ROBO3: variants seen among roughly 807,000 people sequenced by gnomAD.
ROBO3 encodes the protein roundabout homolog 3.
Under a neutral mutation model 160.5 loss-of-function variants are expected in ROBO3, and 97 were observed. The observed-to-expected ratio is 0.60, with a 90% CI of 0.51 to 0.72. ROBO3 has a LOEUF of 0.72. Ranked by LOEUF, ROBO3 falls within the 30% of genes least tolerant of loss-of-function variation. ROBO3 has a pLI of 0.00. For missense variants in ROBO3, 1,858 were observed against 1,846.5 expected (o/e 1.01, Z -0.11); for synonymous variants, 780 against 746.2 (o/e 1.05, Z -0.74).
At chr11:124,880,749 G>GCCCACCCACC in intron 27 of ROBO3, 141 bp downstream of exon 27, 1 of 997,546 alleles carries the variant, frequency 1.0e-6, no homozygotes, top group Non-Finnish European at 1.4e-6. Flanking sequence ...GGGGAGGGAG[G>GCCCACCCACC]AATCCTGTAG....
chr11:124,874,092 C>A lies in ROBO3; in HGVS notation c.1807C>A (p.Arg603Ser). The change falls in exon 12 of 28, where the codon CGT (arginine) becomes AGT (serine). Residue 603 changes from arginine to serine, a missense_variant. Coordinates refer to ENST00000397801, the MANE Select transcript of ROBO3 (RefSeq NM_022370.4). Reference sequence around the variant, plus strand: ...TAGCCCAGCAGCTGGCAACACATGGCGTACTGTGGCAGATGGCGTGCAGCT... The same window carrying A: ...TAGCCCAGCAGCTGGCAACACATGGAGTACTGTGGCAGATGGCGTGCAGCT... ...AFSPAAGNTW[R>S]TVADGVQLET... The A allele has an allele frequency of 6.2e-7, 1 of 1,613,926 alleles. No homozygotes were observed. Among genetic ancestry groups the A allele is most frequent in the African/African-American group, 1.3e-5 (1 of 75,024 alleles).
chr11:124,877,603 A>C lies in ROBO3; in HGVS notation c.2931A>C (p.Glu977Asp). The C allele has an allele frequency of 6.2e-7, 1 of 1,609,276 alleles. No homozygotes were observed. Among genetic ancestry groups the C allele is most frequent in the Non-Finnish European group, 8.5e-7 (1 of 1,178,020 alleles). ...CATCTCGAAGCCCCTCGGCCCAGGA[A>C]CCCAGGGGAAGCTGCTGCCCTAGCA... ...PHPSRSPSAQ[E>D]PRGSCCPSNP... The change falls in exon 20 of 28, where the codon GAA (glutamate) becomes GAC (aspartate). Residue 977 changes from glutamate (E) to aspartate (D), a missense_variant. Coordinates refer to ENST00000397801, the MANE Select transcript of ROBO3 (RefSeq NM_022370.4).
In ROBO3 at chr11:124,873,446, C is replaced by G; in HGVS notation, c.1618+55C>G. The G allele has an allele frequency of 2.1e-6, 3 of 1,436,132 alleles. No homozygotes were observed. Among genetic ancestry groups the G allele is most frequent in the South Asian group, 1.2e-5 (1 of 82,780 alleles). The allele number at this position is 1,436,132 out of a possible 1,614,324, so 89.0% of individuals were successfully genotyped here. ...ATAATACCTTCCTCCAAACCTGCTT[C>G]AACAGGTAGTCGATACCTCCTCAAA... On this transcript the variant is annotated intron_variant, in intron 10 of 27. Transcript: ENST00000397801. This position sits in a 1 kb window ranked among gnomAD's most constrained non-coding sequence, Gnocchi z 4.5.
Position 124,865,778 on chromosome 11 carries a change from G to T in ROBO3, c.160+41G>T. ...TTGGGGATATGGGATCCTGGGATGG[G>T]GATGAGGTGAGAGGGCGGCGTGGAA... is the stretch of plus-strand genomic sequence containing the variant. On this transcript the variant is annotated intron_variant, in intron 1 of 27. Coordinates refer to ENST00000397801, the MANE Select transcript of ROBO3 (RefSeq NM_022370.4). The surrounding 1 kb of genome is among the most constrained non-coding windows in gnomAD (Gnocchi z 5.5). 1 of 1,562,470 alleles carries T rather than the reference G, an allele frequency of 6.4e-7. No homozygotes were observed. The highest frequency in any genetic ancestry group is 8.7e-7 in the Non-Finnish European group (1 of 1,154,308).
chr11:124,870,915 T>C, intron 6 of ROBO3, 99 bp from the exon 7 acceptor site: 2 of 1,540,926 alleles, frequency 1.3e-6, no homozygotes, highest in Non-Finnish European at 1.8e-6. Context: ...TCTGCTCCTG[T>C]ACACTTGAGC....
Position 124,878,851 on chromosome 11 carries a change from A to C in ROBO3, c.3533+55A>C. 7.1e-7 allele frequency: 1 copy of C among 1,409,532 alleles called. No homozygotes were observed. The highest frequency in any genetic ancestry group is 9.9e-7 in the Non-Finnish European group (1 of 1,013,138). The allele number at this position is 1,409,532 out of a possible 1,614,324, so 87.3% of individuals were successfully genotyped here. ...GCAAGCCCTCTATACGTATCTACTC[A>C]GTAGATGACTGGGTGGGTGGATGGA... On this transcript the variant is annotated intron_variant, in intron 23 of 27. Coordinates refer to ENST00000397801, the MANE Select transcript of ROBO3 (RefSeq NM_022370.4). This position sits in a 1 kb window ranked among gnomAD's most constrained non-coding sequence, Gnocchi z 4.3.
In ROBO3 at chr11:124,877,996, G is replaced by C; in HGVS notation, c.3046G>C (p.Gly1016Arg). 1 of 1,611,962 alleles carries C rather than the reference G, an allele frequency of 6.2e-7. No homozygotes were observed. Among genetic ancestry groups the C allele is most frequent in the Non-Finnish European group, 8.5e-7 (1 of 1,179,162 alleles). The change falls in exon 21 of 28, where the codon GGT becomes CGT. Residue 1016 changes from glycine (G) to arginine (R), a missense_variant. Gly to Arg is a moderately radical substitution (Grantham distance 125, BLOSUM62 -2). Transcript: ENST00000397801. ...CAGGGGCACGGCCGCCCCTGGCGAG[G>C]GTCCTGTCTATAGCACCATTGACCC... is the stretch of plus-strand genomic sequence containing the variant. ...TARGTAAPGE[G>R]PVYSTIDPAG...
chr11:124,876,662 G>C lies in ROBO3; in HGVS notation c.2779+202G>C, dbSNP rs922844048. The C allele has an allele frequency of 8.1e-6, 4 of 493,568 alleles. No individual in the cohort carries two copies. Among genetic ancestry groups the C allele is most frequent in the Non-Finnish European group, 6.9e-6 (2 of 289,054 alleles). 30.6% of individuals were successfully genotyped at this position (493,568 alleles called of 1,614,324 possible). On this transcript the variant is annotated intron_variant, in intron 17 of 27. Transcript: ENST00000397801. The surrounding 1 kb of genome is among the most constrained non-coding windows in gnomAD (Gnocchi z 5.3). ...CTAGGGAGGGCTGCGGGCCAAGACG[G>C]GGCGGGATCTGGATGACGTTTGCCT...
chr11:124,873,223 T>A lies in ROBO3; in HGVS notation c.1537-87T>A, dbSNP rs1289206722. 1 of 1,423,130 alleles carries A rather than the reference T, an allele frequency of 7.0e-7. No homozygotes were observed. Among genetic ancestry groups the A allele is most frequent in the African/African-American group, 1.4e-5 (1 of 70,738 alleles). The allele number at this position is 1,423,130 out of a possible 1,614,324, so 88.2% of individuals were successfully genotyped here. On this transcript the variant is annotated intron_variant, in intron 9 of 27. Transcript: ENST00000397801. This position sits in a 1 kb window ranked among gnomAD's most constrained non-coding sequence, Gnocchi z 4.5. ...CTCTCAGAGCACCTAGTATCCAACA[T>A]CTTCCCATCCTTCTGCTACCCGCCT...
rs1471812266 is a variant in ROBO3 at position 124,875,675 on chromosome 11, C to T, written c.2411C>T (p.Thr804Met). The T allele has an allele frequency of 1.2e-6, 2 of 1,607,312 alleles. No homozygotes were observed. The highest frequency in any genetic ancestry group is 1.1e-5 in the South Asian group (1 of 90,042). Reference sequence around the variant, plus strand: ...CCCTCCCAGCAAAATGGGGTCATCACGGAATACCAGGTAGAGGGATTGAGG... The same window carrying T: ...CCCTCCCAGCAAAATGGGGTCATCATGGAATACCAGGTAGAGGGATTGAGG... The part of the protein sequence containing the change: ...PLPSQQNGVI[T>M]EYQIWCLGNE... Residue 804 changes from threonine (T) to methionine (M), a missense_variant, in exon 15 of 28, where the codon ACG (threonine) becomes ATG (methionine). Coordinates refer to ENST00000397801, the MANE Select transcript of ROBO3 (RefSeq NM_022370.4).
In ROBO3 at chr11:124,870,617, G is replaced by T; in HGVS notation, c.922G>T (p.Asp308Tyr). The T allele has an allele frequency of 2.5e-6, 4 of 1,613,722 alleles. No homozygotes were observed. The South Asian group carries it at 4.4e-5, about 18-fold the overall frequency. Residue 308 changes from aspartate (D) to tyrosine (Y), a missense_variant, in exon 6 of 28, where the codon GAC (aspartate) becomes TAC (tyrosine). Coordinates refer to ENST00000397801, the MANE Select transcript of ROBO3 (RefSeq NM_022370.4). ...LPTGRYEIRS[D>Y]HSLWIGHVSA... is the part of the protein sequence containing the mutation. ...GTGGAGCAGGTATGAGATCCGGAGT[G>T]ACCACAGCCTTTGGATTGGGCATGT...
rs566320344 is a variant in ROBO3, at chr11:124,876,571, C to G, written c.2779+111C>G. 2 of 932,812 alleles carry G rather than the reference C, an allele frequency of 2.1e-6. No individual in the cohort carries two copies. Among genetic ancestry groups the G allele is most frequent in the African/African-American group, 1.7e-5 (1 of 57,186 alleles). The allele number at this position is 932,812 out of a possible 1,614,324, so 57.8% of individuals were successfully genotyped here. ...GAGGACCGGGTCGGGAGAAAGGGGT[C>G]GCACCTGGAGTTCAGCCTCTTGGGT... is the stretch of plus-strand genomic sequence containing the variant. On this transcript the variant is annotated intron_variant, in intron 17 of 27. Transcript: ENST00000397801. This position sits in a 1 kb window ranked among gnomAD's most constrained non-coding sequence, Gnocchi z 5.3.
chr11:124,866,413 G>GCGGGAGC (rs1946196910), intron 1 of ROBO3, among the ~76,000 whole-genome samples: 2 of 152,192 alleles, frequency 1.3e-5, no homozygotes, highest in African/African-American at 4.8e-5. Context: ...CGGGGAAGCT[G>GCGGGAGC]CGGGAGCCGG....
chr11:124,876,276 G>A lies in ROBO3; in HGVS notation c.2595G>A (p.Pro865=), dbSNP rs773876660. The part of the protein sequence containing the change: ...VPSAPVLVQL[P]SPPDLEPGLE... The stretch of plus-strand genomic sequence containing the variant: ...CCCTCACTTCTCTGACCCCCACAGC[G>A]TCCCCGCCGGACCTGGAGCCCGGGC... The change falls in exon 17 of 28, where the codon CCG becomes CCA. Residue 865 remains proline, a splice_region_variant and synonymous_variant. Transcript: ENST00000397801. The surrounding 1 kb of genome is among the most constrained non-coding windows in gnomAD (Gnocchi z 5.3). 2 of 1,469,868 alleles carry A rather than the reference G, an allele frequency of 1.4e-6. No individual in the cohort carries two copies. Among genetic ancestry groups the A allele is most frequent in the Non-Finnish European group, 1.8e-6 (2 of 1,122,364 alleles). 91.1% of individuals were successfully genotyped at this position (1,469,868 alleles called of 1,614,324 possible).
At position 124,874,839 on chromosome 11, in the gene ROBO3, T is replaced by C; in HGVS notation, c.2003T>C (p.Leu668Pro). ...VEDPWRGQQG[L>P]AEVAVRLQEP... ...GACCCATGGAGAGGCCAGCAGGGACTGGCGGAAGTGGCTGTGCGCCTGCAG... is the reference window on the plus strand; with the variant it reads ...GACCCATGGAGAGGCCAGCAGGGACCGGCGGAAGTGGCTGTGCGCCTGCAG... The change falls in exon 13 of 28, where the codon CTG becomes CCG. Residue 668 changes from leucine (L) to proline (P), a missense_variant. Leu to Pro is a moderately conservative substitution (Grantham distance 98). Coordinates refer to ENST00000397801, the MANE Select transcript of ROBO3 (RefSeq NM_022370.4). 1 of 1,601,862 alleles carries C rather than the reference T, an allele frequency of 6.2e-7. No homozygotes were observed. Among genetic ancestry groups the C allele is most frequent in the African/African-American group, 1.3e-5 (1 of 74,902 alleles).
Position 124,869,377 on chromosome 11 carries a change from C to T in ROBO3, c.488-73C>T. 7.3e-7 allele frequency: 1 copy of T among 1,373,340 alleles called. No individual in the cohort carries two copies. Among genetic ancestry groups the T allele is most frequent in the Non-Finnish European group, 1.0e-6 (1 of 986,620 alleles). The allele number at this position is 1,373,340 out of a possible 1,614,324, so 85.1% of individuals were successfully genotyped here. A position where few individuals can be genotyped will look rare whatever the true frequency, so the allele number is the denominator to read the frequency against. On this transcript the variant is annotated intron_variant, in intron 2 of 27. Transcript: ENST00000397801. The surrounding 1 kb of genome is among the most constrained non-coding windows in gnomAD (Gnocchi z 4.2). ...AGCGATCAACCCCTTCCCAAGACAACACTTTCCCTGTGTCCTCAGCCAGTT... is the reference window on the plus strand; with the variant it reads ...AGCGATCAACCCCTTCCCAAGACAATACTTTCCCTGTGTCCTCAGCCAGTT...
chr11:124,880,346 G>T (rs1296203280), intron 26 of ROBO3, 72 bp from the exon 27 acceptor site: 7 of 1,580,502 alleles, frequency 4.4e-6, no homozygotes, highest in African/African-American at 2.7e-5. Flanking sequence ...CTGTGGTCAG[G>T]GTGGCAGGGT....
Position 124,881,367 on chromosome 11 carries a change from C to A in ROBO3, c.*117C>A. On this transcript the variant is annotated 3_prime_UTR_variant, in exon 28 of 28. Coordinates refer to ENST00000397801, the MANE Select transcript of ROBO3 (RefSeq NM_022370.4). Reference sequence around the variant, plus strand: ...TGAAGCCCATTGGTTTCCACGATTTCAATTGGCTGAGAAGGCAGAGAGCTA... The same window carrying A: ...TGAAGCCCATTGGTTTCCACGATTTAAATTGGCTGAGAAGGCAGAGAGCTA... 2 of 1,020,824 alleles carry A rather than the reference C, an allele frequency of 2.0e-6. No homozygotes were observed. Among genetic ancestry groups the A allele is most frequent in the Non-Finnish European group, 3.0e-6 (2 of 673,384 alleles). 63.2% of individuals were successfully genotyped at this position (1,020,824 alleles called of 1,614,324 possible).
Position 124,878,536 on chromosome 11 carries a change from A to G in ROBO3, c.3321-48A>G. On this transcript the variant is annotated intron_variant, in intron 22 of 27. Coordinates refer to ENST00000397801, the MANE Select transcript of ROBO3 (RefSeq NM_022370.4). This position sits in a 1 kb window ranked among gnomAD's most constrained non-coding sequence, Gnocchi z 4.3. ...GCAGCAGGAAGGCCAACGGGAAGGTATGGAAGCAGCTGAGCCCTTTCCTTC... is the reference window on the plus strand; with the variant it reads ...GCAGCAGGAAGGCCAACGGGAAGGTGTGGAAGCAGCTGAGCCCTTTCCTTC... 1 of 1,605,004 alleles carries G rather than the reference A, an allele frequency of 6.2e-7. No individual in the cohort carries two copies. The highest frequency in any genetic ancestry group is 8.5e-7 in the Non-Finnish European group (1 of 1,174,644).
Sources: gnomAD v4.1 joint callset for allele counts (sites outside exome capture counted in the v4.1 genomes callset) on GRCh38, gnomAD v4.1.1 for gene constraint, Gnocchi (gnomAD v3.1) non-coding constraint, MANE v1.5 for transcripts, NCBI Gene and HGNC (gene_info 2026-07-23, HGNC 2026-07-21) for gene names.